Variants in WHRN observed in about 807,000 individuals in gnomAD.
WHRN encodes whirlin.
In WHRN, 41 loss-of-function variants were observed where a neutral mutation model predicts 68.3. The observed-to-expected ratio is 0.60, with a 90% CI of 0.47 to 0.78. The LOEUF is 0.78. Among genes scored for constraint, WHRN ranks in the 30% least tolerant of loss-of-function variants. WHRN has a pLI of 0.00. For missense variants in WHRN, 1,243 were observed against 1,244.7 expected (o/e 1.00, Z 0.02); for synonymous variants, 560 against 561.3 (o/e 1.00, Z 0.03).
intron 3 of WHRN, among the ~76,000 whole-genome samples, chr9:114,428,641 C>T (rs538479374): frequency 7.9e-5 from 12 of 152,278 alleles, no homozygotes; most frequent in South Asian, 4.1e-4. Context: ...GGCTGCTGCC[C>T]GGAGCGCTGT....
chr9:114,459,382 T>G (rs907229779), intron 3 of WHRN, among the ~76,000 whole-genome samples: 1 of 152,104 alleles, frequency 6.6e-6, no homozygotes, highest in African/African-American at 2.4e-5. Flanking sequence ...GAGAATTGCT[T>G]GAACCTGGGG....
chr9:114,446,932 C>T (rs1245851847), intron 3 of WHRN, among the ~76,000 whole-genome samples: 2 of 151,892 alleles, frequency 1.3e-5, no homozygotes, highest in African/African-American at 4.8e-5. Flanking sequence ...CTCTGTCAGC[C>T]CCTCAGTCCC....
chr9:114,469,937 C>T (rs573322761), intron 2 of WHRN, among the ~76,000 whole-genome samples: 4 of 152,328 alleles, frequency 2.6e-5, no homozygotes, highest in African/African-American at 7.2e-5. Flanking sequence ...GCTGGCAGCA[C>T]GGCATCTTCC....
At chr9:114,457,720 C>A (rs4979398) in intron 3 of WHRN, among the ~76,000 whole-genome samples, 113,065 of 151,668 alleles carry the variant, frequency 0.75, 42,328 homozygotes, top group East Asian at 0.96. Flanking sequence ...GTTTGAAACC[C>A]GCCTGGCCAA....
intron 3 of WHRN, among the ~76,000 whole-genome samples, chr9:114,457,914 C>CAA (rs11292103): frequency 4.9e-5 from 6 of 123,424 alleles, no homozygotes; most frequent in Non-Finnish European, 5.1e-5. Flanking sequence ...AGACTCTGTT[C>CAA]AAAAAAAAAA....
intron 1 of WHRN, among the ~76,000 whole-genome samples, chr9:114,493,837 C>T (rs941777258): frequency 1.3e-5 from 2 of 152,218 alleles, no homozygotes; most frequent in African/African-American, 4.8e-5. Flanking sequence ...GTTTTCTCAT[C>T]AAATAGCTAC....
chr9:114,503,803 A>G, intron 1 of WHRN: 1 of 243,870 alleles, frequency 4.1e-6, no homozygotes, highest in Non-Finnish European at 8.0e-6. Flanking sequence ...AAAAACAAAA[A>G]ACAAAAAACC....
intron 1 of WHRN, chr9:114,503,192 T>C: frequency 1.0e-6 from 1 of 985,584 alleles, no homozygotes; most frequent in Non-Finnish European, 1.2e-6. Flanking sequence ...CAGCAGGCCC[T>C]CAGCTGGAGT....
At chr9:114,407,213 C>A (rs532430911) in intron 8 of WHRN, among the ~76,000 whole-genome samples, 7 of 152,092 alleles carry the variant, frequency 4.6e-5, no homozygotes, top group Non-Finnish European at 8.8e-5. Context: ...GATGGAAATA[C>A]AAAAAATGCA....
At chr9:114,492,331 G>C (rs1843052959) in intron 1 of WHRN, among the ~76,000 whole-genome samples, 1 of 152,130 alleles carries the variant, frequency 6.6e-6, no homozygotes, top group African/African-American at 2.4e-5. Flanking sequence ...AATGTGCAGG[G>C]ATGTCTAAAG....
Position 114,402,787 on chromosome 9 carries a change from G to A in WHRN, c.2691C>T (p.Asp897=). The A allele has an allele frequency of 1.2e-6, 2 of 1,614,080 alleles. No individual in the cohort carries two copies. The highest frequency in any genetic ancestry group is 1.7e-6 in the Non-Finnish European group (2 of 1,180,048). The change falls in exon 12 of 12, where the codon GAC becomes GAT. Residue 897 remains aspartate (D), a synonymous_variant. Transcript: ENST00000362057. Reference sequence around the variant, plus strand: ...TCACATTGAACTCAGTGACCAGAAAGTCAATGTAGTCACGGTCCTTAGTCT... The same window carrying A: ...TCACATTGAACTCAGTGACCAGAAAATCAATGTAGTCACGGTCCTTAGTCT... ...AFKTKDRDYI[D]FLVTEFNVML
intron 2 of WHRN, among the ~76,000 whole-genome samples, chr9:114,474,982 T>A (rs1384756185): frequency 6.6e-6 from 1 of 152,000 alleles, no homozygotes; most frequent in Non-Finnish European, 1.5e-5. Context: ...GGACAGCTAC[T>A]CTCAAAACAA....
At chr9:114,430,725 G>A (rs1837346410) in intron 3 of WHRN, among the ~76,000 whole-genome samples, 1 of 152,192 alleles carries the variant, frequency 6.6e-6, no homozygotes, top group Admixed American at 6.5e-5. Flanking sequence ...ATAGATTCCT[G>A]TGCAATCTGC....
At chr9:114,448,793 C>A (rs1001382727) in intron 3 of WHRN, among the ~76,000 whole-genome samples, 1 of 152,176 alleles carries the variant, frequency 6.6e-6, no homozygotes, top group Non-Finnish European at 1.5e-5. Flanking sequence ...GATTCCAGCA[C>A]CCAGATGTTG....
intron 1 of WHRN, among the ~76,000 whole-genome samples, chr9:114,494,935 G>T (rs1390806784): frequency 6.6e-6 from 1 of 151,908 alleles, no homozygotes; most frequent in Non-Finnish European, 1.5e-5. Context: ...ACTGGGGGGG[G>T]GAGCGGGTTT....
At chr9:114,417,817 A>C (rs565670306) in intron 7 of WHRN, among the ~76,000 whole-genome samples, 1 of 152,334 alleles carries the variant, frequency 6.6e-6, no homozygotes, top group Admixed American at 6.5e-5. Context: ...TACACAGAAG[A>C]GGTGGGAATA....
intron 7 of WHRN, among the ~76,000 whole-genome samples, chr9:114,420,988 T>C (rs1836235145): frequency 6.6e-6 from 1 of 151,998 alleles, no homozygotes; most frequent in Admixed American, 6.5e-5. Flanking sequence ...TTCCAGGGGC[T>C]CACCCTGGTC....
At chr9:114,410,579 C>A (rs1388047063) in intron 7 of WHRN, among the ~76,000 whole-genome samples, 5 of 152,208 alleles carry the variant, frequency 3.3e-5, no homozygotes, top group Non-Finnish European at 5.9e-5. Context: ...GCCAGTCATG[C>A]CACACATATC....
At chr9:114,464,561 G>T (rs1013581230) in intron 3 of WHRN, among the ~76,000 whole-genome samples, 22 of 152,106 alleles carry the variant, frequency 1.4e-4, no homozygotes, top group Admixed American at 1.3e-3. Context: ...TCTCCCAAAG[G>T]CCCCACCTCC....
Sources: allele counts gnomAD v4.1 joint callset (sites outside exome capture counted in the v4.1 genomes callset), GRCh38; gene constraint gnomAD v4.1.1; transcripts MANE v1.5; gene names NCBI Gene and HGNC (gene_info 2026-07-23, HGNC 2026-07-21).